Variants in SEM1 observed in about 807,000 individuals in gnomAD.
The protein encoded by SEM1 is 26S proteasome complex subunit SEM1.
SEM1 carries 3 observed loss-of-function variants against 12.7 expected under a neutral mutation model. The observed-to-expected ratio is 0.24, with a 90% CI of 0.11 to 0.61. The LOEUF (loss-of-function observed/expected upper bound fraction) is 0.61, where lower values mean the gene tolerates loss of function less well. Among genes scored for constraint, SEM1 ranks in the 20% least tolerant of loss-of-function variants. The probability of loss-of-function intolerance (pLI) is 0.88; values close to 1 mark genes in which losing one functional copy is unlikely to be tolerated. For synonymous variants in SEM1, 30 were observed against 27.8 expected (o/e 1.08, Z -0.25); for missense variants, 59 against 81.3 (o/e 0.73, Z 1.06).
chr7:96,571,556 GTA>G (rs749965181), intron 2 of SEM1, among the ~76,000 whole-genome samples: 8 of 150,824 alleles, frequency 5.3e-5, no homozygotes, highest in Non-Finnish European at 1.0e-4. Context: ...CTGTGTGTGT[GTA>G]TATATATGTA....
intron 2 of SEM1, among the ~76,000 whole-genome samples, chr7:96,548,987 G>T (rs1805184797): frequency 6.6e-6 from 1 of 152,164 alleles, no homozygotes; most frequent in Non-Finnish European, 1.5e-5. Context: ...GTACTGTATT[G>T]ATAGTCACAG....
intron 2 of SEM1, among the ~76,000 whole-genome samples, chr7:96,607,682 G>A (rs572164785): frequency 3.3e-5 from 5 of 152,236 alleles, no homozygotes; most frequent in East Asian, 1.9e-4. Flanking sequence ...CTGAACTTCC[G>A]GCAGCTGGTC....
intron 2 of SEM1, among the ~76,000 whole-genome samples, chr7:96,531,880 C>T (rs1804653579): frequency 6.6e-6 from 1 of 152,094 alleles, no homozygotes; most frequent in Admixed American, 6.6e-5. Context: ...CTATTTAGTT[C>T]CCAATATTTT....
At chr7:96,563,667 A>G (rs749239134) in intron 2 of SEM1, among the ~76,000 whole-genome samples, 3 of 152,144 alleles carry the variant, frequency 2.0e-5, no homozygotes, top group Non-Finnish European at 4.4e-5. Context: ...GACAGGACTC[A>G]TTAACATTAA....
chr7:96,574,898 G>A (rs1357759763), intron 2 of SEM1, among the ~76,000 whole-genome samples: 1 of 152,118 alleles, frequency 6.6e-6, no homozygotes, highest in East Asian at 1.9e-4. Flanking sequence ...TCTTTGCGTT[G>A]GGTTAGAACG....
At chr7:96,691,831 G>A (rs563740953) in intron 2 of SEM1, among the ~76,000 whole-genome samples, 1 of 152,336 alleles carries the variant, frequency 6.6e-6, no homozygotes, top group African/African-American at 2.4e-5. Context: ...GTAACTGATT[G>A]CTTCTATACA....
At chr7:96,693,790 GTATA>G (rs532367417) in intron 2 of SEM1, among the ~76,000 whole-genome samples, 7,292 of 145,452 alleles carry the variant, frequency 0.05, 224 homozygotes, top group South Asian at 0.088. Context: ...GTGTGTGTGT[GTATA>G]TATATATATA....
At chr7:96,677,536 G>GA (rs1789484413) in intron 2 of SEM1, among the ~76,000 whole-genome samples, 1 of 152,182 alleles carries the variant, frequency 6.6e-6, no homozygotes, top group Non-Finnish European at 1.5e-5. Context: ...AACTTAAGCA[G>GA]AAAGGGGATT....
chr7:96,626,809 T>C (rs1196883925), intron 2 of SEM1, among the ~76,000 whole-genome samples: 1 of 152,138 alleles, frequency 6.6e-6, no homozygotes, highest in Non-Finnish European at 1.5e-5. Context: ...CAGAATGAGT[T>C]TGGAAGTATT....
chr7:96,527,623 A>C (rs1236820772), intron 2 of SEM1, among the ~76,000 whole-genome samples: 1 of 152,200 alleles, frequency 6.6e-6, no homozygotes, highest in Non-Finnish European at 1.5e-5. Flanking sequence ...AAGTGCAGCC[A>C]AGGCTAATTA....
At chr7:96,528,885 A>G (rs1385529220) in intron 2 of SEM1, among the ~76,000 whole-genome samples, 1 of 152,140 alleles carries the variant, frequency 6.6e-6, no homozygotes, top group East Asian at 1.9e-4. Context: ...CAAACATTGA[A>G]ATATATACCA....
intron 2 of SEM1, among the ~76,000 whole-genome samples, chr7:96,555,948 C>T (rs1805478897): frequency 1.4e-5 from 2 of 144,072 alleles, no homozygotes; most frequent in East Asian, 2.1e-4. Context: ...TATGTAATGG[C>T]CTTCTTTGTC....
At chr7:96,614,328 A>G (rs1807636854) in intron 2 of SEM1, among the ~76,000 whole-genome samples, 1 of 152,150 alleles carries the variant, frequency 6.6e-6, no homozygotes, top group South Asian at 2.1e-4. Context: ...CCTTGAATAG[A>G]AAGTGTTTTT....
intron 2 of SEM1, among the ~76,000 whole-genome samples, chr7:96,535,914 T>A (rs778750010): frequency 6.6e-6 from 1 of 152,094 alleles, no homozygotes; most frequent in South Asian, 2.1e-4. Flanking sequence ...AGTGCTGCAA[T>A]GAACATACAA....
intron 2 of SEM1, among the ~76,000 whole-genome samples, chr7:96,557,796 G>A (rs966710738): frequency 2.0e-5 from 3 of 151,978 alleles, no homozygotes; most frequent in African/African-American, 7.2e-5. Context: ...CAGCCTCGCT[G>A]CCGCCTTGCA....
chr7:96,568,460 G>A (rs1805918948), intron 2 of SEM1, among the ~76,000 whole-genome samples: 1 of 151,528 alleles, frequency 6.6e-6, no homozygotes, highest in African/African-American at 2.4e-5. Flanking sequence ...TAGCTATTTA[G>A]GAATTTCACA....
intron 2 of SEM1, among the ~76,000 whole-genome samples, chr7:96,517,614 T>C (rs772729130): frequency 1.4e-4 from 22 of 152,144 alleles, no homozygotes; most frequent in Admixed American, 5.9e-4. Flanking sequence ...ATTTTGAGAA[T>C]TGCCTATTTA....
chr7:96,673,860 C>A lies in SEM1; in HGVS notation c.171-1G>T. Reference sequence around the variant, plus strand: ...CAATATCATCAGGAGTACAGTTGCCCTGGAAAACAGACTTTGTGTAAGCAA... The same window carrying A: ...CAATATCATCAGGAGTACAGTTGCCATGGAAAACAGACTTTGTGTAAGCAA... On this transcript the variant is annotated splice_acceptor_variant, in intron 2 of 2. Coordinates refer to the SEM1 transcript ENST00000413065. LOFTEE classifies it high-confidence loss of function. 1 of 764,948 alleles carries A rather than the reference C, an allele frequency of 1.3e-6. No individual in the cohort carries two copies. The highest frequency in any genetic ancestry group is 2.4e-6 in the Non-Finnish European group (1 of 417,758). The allele number at this position is 764,948 out of a possible 1,614,324, so 47.4% of individuals were successfully genotyped here. A position where few individuals can be genotyped will look rare whatever the true frequency, so the allele number is the denominator to read the frequency against.
chr7:96,595,978 C>A (rs1329819616), intron 2 of SEM1, among the ~76,000 whole-genome samples: 1 of 152,192 alleles, frequency 6.6e-6, no homozygotes, highest in African/African-American at 2.4e-5. Context: ...GCAGCCTTTG[C>A]AGGCATAGGG....
Sources: gnomAD v4.1 joint callset for allele counts (sites outside exome capture counted in the v4.1 genomes callset) on GRCh38, gnomAD v4.1.1 for gene constraint, MANE v1.5 for transcripts, NCBI Gene and HGNC (gene_info 2026-07-23, HGNC 2026-07-21) for gene names.